CLTC: variants seen among roughly 807,000 people sequenced by gnomAD.
CLTC encodes clathrin heavy chain 1.
CLTC carries 16 observed loss-of-function variants against 195.8 expected under a neutral mutation model. That is an observed-to-expected ratio of 0.08 (90% confidence interval 0.06 to 0.12). The LOEUF is 0.12. Among genes scored for constraint, CLTC ranks in the 10% least tolerant of loss-of-function variants. The pLI is 1.00. For synonymous variants in CLTC, 667 were observed against 689.4 expected (o/e 0.97, Z 0.51); for missense variants, 796 against 2,027.0 (o/e 0.39, Z 11.66).
intron 1 of CLTC, among the ~76,000 whole-genome samples, chr17:59,641,999 G>GTTTT (rs398031234): frequency 4.7e-5 from 6 of 128,668 alleles, no homozygotes; most frequent in African/African-American, 1.7e-4. Context: ...AATCTTTGTT[G>GTTTT]TTTTTTTTTT....
chr17:59,635,257 C>G (rs1567931898), intron 1 of CLTC, among the ~76,000 whole-genome samples: 1 of 152,176 alleles, frequency 6.6e-6, no homozygotes, highest in Non-Finnish European at 1.5e-5. Flanking sequence ...AATGTGAAGC[C>G]AAGCAATAAT....
rs549641050 is a variant in CLTC at position 59,683,374 on chromosome 17, C to G, written c.4042-13C>G. On this transcript the variant is annotated splice_polypyrimidine_tract_variant and intron_variant, in intron 25 of 31. Transcript: ENST00000269122. This position sits in a 1 kb window ranked among gnomAD's most constrained non-coding sequence, Gnocchi z 6.1. Reference sequence around the variant, plus strand: ...AGACTCATATCTAAAGCAATTAAGTCTTTCTTATGCAGGTGCTAAGAGCTG... The same window carrying G: ...AGACTCATATCTAAAGCAATTAAGTGTTTCTTATGCAGGTGCTAAGAGCTG... 5.6e-6 allele frequency: 9 copies of G among 1,604,966 alleles called. No homozygotes were observed. The South Asian group carries it at 1.0e-4, about 18-fold the overall frequency.
chr17:59,661,517 A>T lies in CLTC; in HGVS notation c.1242A>T (p.Leu414=). The change falls in exon 8 of 32, where the codon CTA becomes CTT. Residue 414 remains leucine (L), a synonymous_variant. Transcript: ENST00000269122. ...CCCAGCCAGGTCAAACTTCTCCTCT[A>T]CTTCAGTACTTTGGTATCCTTTTGG... The part of the protein sequence containing the change: ...VPAQPGQTSP[L]LQYFGILLDQ... The T allele has an allele frequency of 6.2e-7, 1 of 1,614,080 alleles. No homozygotes were observed. Among genetic ancestry groups the T allele is most frequent in the Non-Finnish European group, 8.5e-7 (1 of 1,179,984 alleles).
chr17:59,691,572 C>T (rs1411395397), intron 31 of CLTC, among the ~76,000 whole-genome samples: 5 of 150,492 alleles, frequency 3.3e-5, no homozygotes, highest in Admixed American at 6.6e-5. Context: ...TGCAGTGAGC[C>T]GAGGTCGTGC....
At position 59,667,182 on chromosome 17, in the gene CLTC, ATAT is replaced by A. The variant is rs748565111; in HGVS notation, c.2128+207_2128+209del. 412 of 368,614 alleles carry A rather than the reference ATAT, an allele frequency of 1.1e-3. 1 individual carries two copies. Among genetic ancestry groups the A allele is most frequent in the Non-Finnish European group, 1.8e-3 (372 of 205,734 alleles). 22.8% of individuals were successfully genotyped at this position (368,614 alleles called of 1,614,324 possible). A position where few individuals can be genotyped will look rare whatever the true frequency, so the allele number is the denominator to read the frequency against. On this transcript the variant is annotated intron_variant, in intron 13 of 31. Transcript: ENST00000269122. ...GCAGTGAACCAGACCATCTGTTTGG[ATAT>A]TTTATAGATGAATTAAAGGTAGAAT... is the stretch of plus-strand genomic sequence containing the variant.
intron 2 of CLTC, chr17:59,646,155 C>A: frequency 5.5e-6 from 1 of 181,726 alleles, no homozygotes; most frequent in Non-Finnish European, 1.1e-5. Flanking sequence ...GTCAAGCTGT[C>A]ATCCCTTGTC....
At position 59,696,956 on chromosome 17, in the gene CLTC, C is replaced by T. The variant is rs2033443418; in HGVS notation, c.*3104C>T. The T allele has an allele frequency of 5.1e-6, 1 of 197,252 alleles. No individual in the cohort carries two copies. Among genetic ancestry groups the T allele is most frequent in the South Asian group, 1.7e-4 (1 of 5,766 alleles). 12.2% of individuals were successfully genotyped at this position (197,252 alleles called of 1,614,324 possible). The stretch of plus-strand genomic sequence containing the variant: ...AGTAGGTTGTATCAATGCTATAAAA[C>T]TCAACCTGGAGACAAAATTTAAACA... On this transcript the variant is annotated 3_prime_UTR_variant, in exon 32 of 32. Coordinates refer to ENST00000269122, the MANE Select transcript of CLTC (RefSeq NM_004859.4).
chr17:59,682,834 CTATTTAAACAT>C lies in CLTC; in HGVS notation c.3765+44_3765+54del. 6.2e-7 allele frequency: 1 copy of C among 1,610,254 alleles called. No individual in the cohort carries two copies. The highest frequency in any genetic ancestry group is 8.5e-7 in the Non-Finnish European group (1 of 1,177,504). ...GTTTGAGTGAAGAATTAAAGAAACG[CTATTTAAACAT>C]TAGTTTAAATAACTAGCCATGTTTT... On this transcript the variant is annotated intron_variant, in intron 23 of 31. Coordinates refer to ENST00000269122, the MANE Select transcript of CLTC (RefSeq NM_004859.4). This position sits in a 1 kb window ranked among gnomAD's most constrained non-coding sequence, Gnocchi z 6.8.
intron 6 of CLTC, among the ~76,000 whole-genome samples, chr17:59,656,766 C>T (rs187199698): frequency 9.1e-4 from 137 of 149,732 alleles, no homozygotes; most frequent in Non-Finnish European, 1.4e-3. Flanking sequence ...CTCCACTTCC[C>T]GGGTTTAAGC....
chr17:59,633,457 C>T (rs544555229), intron 1 of CLTC, among the ~76,000 whole-genome samples: 1 of 152,180 alleles, frequency 6.6e-6, no homozygotes, highest in African/African-American at 2.4e-5. Context: ...CATGCCATTG[C>T]ACTCCAGCCT....
Position 59,620,070 on chromosome 17 carries a change from C to A in CLTC, c.-62C>A. 1 of 1,536,948 alleles carries A rather than the reference C, an allele frequency of 6.5e-7. No individual in the cohort carries two copies. Among genetic ancestry groups the A allele is most frequent in the Non-Finnish European group, 9.0e-7 (1 of 1,111,428 alleles). On this transcript the variant is annotated 5_prime_UTR_variant, in exon 1 of 32. Coordinates refer to ENST00000269122, the MANE Select transcript of CLTC (RefSeq NM_004859.4). ...CCTTCTCCTCCTCTCCCTTGGAGAG[C>A]CCGGGCAGCCACTGCCCCGCAGCCC...
chr17:59,625,038 C>T (rs1342881253), intron 1 of CLTC, among the ~76,000 whole-genome samples: 1 of 151,824 alleles, frequency 6.6e-6, no homozygotes, highest in Non-Finnish European at 1.5e-5. Context: ...AATATGTAAT[C>T]AGTATAAAAT....
At chr17:59,678,008 CCT>C (rs966677639) in intron 17 of CLTC, among the ~76,000 whole-genome samples, 1 of 152,158 alleles carries the variant, frequency 6.6e-6, no homozygotes, top group African/African-American at 2.4e-5. Flanking sequence ...CCTCCCAGCC[CCT>C]GACAACCACC....
chr17:59,677,099 C>T lies in CLTC; in HGVS notation c.2707C>T (p.Arg903Cys), dbSNP rs142283994. The part of the protein sequence containing the change: ...FLRENPYYDS[R>C]VVGKYCEKRD... The stretch of plus-strand genomic sequence containing the variant: ...TCGTGAAAATCCCTACTATGACAGT[C>T]GCGTTGTTGGAAAGTATTGTGAGAA... The change falls in exon 17 of 32, where the codon CGC (arginine) becomes TGC (cysteine). Residue 903 changes from arginine to cysteine, a missense_variant. Coordinates refer to ENST00000269122, the MANE Select transcript of CLTC (RefSeq NM_004859.4). 8.7e-6 allele frequency: 14 copies of T among 1,613,882 alleles called. No homozygotes were observed. Among genetic ancestry groups the T allele is most frequent in the African/African-American group, 1.3e-5 (1 of 74,888 alleles).
At chr17:59,629,176 C>G (rs1288542282) in intron 1 of CLTC, among the ~76,000 whole-genome samples, 5 of 152,188 alleles carry the variant, frequency 3.3e-5, no homozygotes, top group Non-Finnish European at 5.9e-5. Context: ...TTTCTCCAGT[C>G]TCTGCAATAT....
At chr17:59,654,321 G>A (rs1451502643) in intron 5 of CLTC, among the ~76,000 whole-genome samples, 7 of 150,892 alleles carry the variant, frequency 4.6e-5, no homozygotes, top group Non-Finnish European at 7.4e-5. Context: ...GATTACAGGC[G>A]CGCACCACCC....
chr17:59,676,889 C>A, intron 16 of CLTC, 65 bp from the exon 17 acceptor site: 1 of 1,173,032 alleles, frequency 8.5e-7, no homozygotes, highest in Non-Finnish European at 1.3e-6. Flanking sequence ...ACATAGTTAG[C>A]ATGTCAAGAG....
Position 59,696,753 on chromosome 17 carries a change from C to A in CLTC, c.*2901C>A, listed in dbSNP as rs774721817. On this transcript the variant is annotated 3_prime_UTR_variant, in exon 32 of 32. Transcript: ENST00000269122. ...GTTCACTTTACAGTTACCATAAATT[C>A]TTACTTGGGCCCACCCATTTCCATC... 7 of 206,052 alleles carry A rather than the reference C, an allele frequency of 3.4e-5. No individual in the cohort carries two copies. Among genetic ancestry groups the A allele is most frequent in the Non-Finnish European group, 6.9e-5 (7 of 100,798 alleles). 12.8% of individuals were successfully genotyped at this position (206,052 alleles called of 1,614,324 possible).
chr17:59,674,137 C>T (rs1379184833), intron 15 of CLTC, among the ~76,000 whole-genome samples: 1 of 151,342 alleles, frequency 6.6e-6, no homozygotes, highest in East Asian at 1.9e-4. Context: ...CAAGCCGACT[C>T]AGGGAAGGGG....
Sources: gnomAD v4.1 joint callset for allele counts (sites outside exome capture counted in the v4.1 genomes callset) on GRCh38, gnomAD v4.1.1 for gene constraint, Gnocchi (gnomAD v3.1) non-coding constraint, MANE v1.5 for transcripts, NCBI Gene and HGNC (gene_info 2026-07-23, HGNC 2026-07-21) for gene names.